TBCD: variants seen among roughly 807,000 people sequenced by gnomAD.
The protein encoded by TBCD is tubulin folding cofactor D.
Under a neutral mutation model 169.3 loss-of-function variants are expected in TBCD, and 105 were observed. The observed-to-expected ratio is 0.62, with a 90% CI of 0.53 to 0.73. The LOEUF is 0.73. Ranked by LOEUF, TBCD falls within the 30% of genes least tolerant of loss-of-function variation. TBCD has a pLI of 0.00. For synonymous variants in TBCD, 700 were observed against 643.9 expected, an observed-to-expected ratio of 1.09 and a Z score of -1.32; for missense variants, 1,444 against 1,600.1, an observed-to-expected ratio of 0.90 and a Z score of 1.66.
At chr17:82,941,108 C>T (rs2063190337) in intron 37 of TBCD, among the ~76,000 whole-genome samples, 1 of 152,264 alleles carries the variant, frequency 6.6e-6, no homozygotes, top group South Asian at 2.1e-4. Context: ...CCTCCTTGGC[C>T]TCGCTTGGTC....
At chr17:82,781,001 C>T (rs1028277592) in intron 6 of TBCD, among the ~76,000 whole-genome samples, 5 of 151,876 alleles carry the variant, frequency 3.3e-5, no homozygotes, top group Non-Finnish European at 5.9e-5. Context: ...GCGCTGAGGC[C>T]GGGCTGCAAG....
intron 2 of TBCD, among the ~76,000 whole-genome samples, chr17:82,760,093 C>G (rs936683502): frequency 2.0e-5 from 3 of 151,732 alleles, no homozygotes. Flanking sequence ...AGGATAGTCT[C>G]GAACTCCTGA....
In TBCD at chr17:82,920,559, GTGTT is replaced by G; in HGVS notation, c.2044_2047del (p.Val682Ter). 1 of 1,522,430 alleles carries G rather than the reference GTGTT, an allele frequency of 6.6e-7. No homozygotes were observed. The highest frequency in any genetic ancestry group is 8.8e-7 in the Non-Finnish European group (1 of 1,136,518). 94.3% of individuals were successfully genotyped at this position (1,522,430 alleles called of 1,614,324 possible). On this transcript the variant is annotated frameshift_variant, in exon 24 of 39. Coordinates refer to ENST00000355528, the MANE Select transcript of TBCD (RefSeq NM_005993.5). LOFTEE classifies it high-confidence loss of function. This position sits in a 1 kb window ranked among gnomAD's most constrained non-coding sequence, Gnocchi z 4.1. ...TCCTTTTTTTTTTTTTTTCCAGTGT[GTGTT>G]TTAATAGAAAAGTTGTCACTTTCCA... is the stretch of plus-strand genomic sequence containing the variant.
chr17:82,778,268 GCTTGCCGCC>G (rs2048726149), intron 6 of TBCD, among the ~76,000 whole-genome samples: 1 of 152,086 alleles, frequency 6.6e-6, no homozygotes, highest in African/African-American at 2.4e-5. Context: ...CACCTGGGTG[GCTTGCCGCC>G]CACAGTATTC....
intron 20 of TBCD, among the ~76,000 whole-genome samples, chr17:82,906,381 G>C (rs1441554385): frequency 1.3e-5 from 2 of 152,226 alleles, no homozygotes; most frequent in Non-Finnish European, 2.9e-5. Flanking sequence ...GGTCATAACA[G>C]CAAAGGTCCT....
At chr17:82,817,829 G>C (rs963820292) in intron 13 of TBCD, among the ~76,000 whole-genome samples, 5 of 152,166 alleles carry the variant, frequency 3.3e-5, no homozygotes, top group Admixed American at 3.3e-4. Context: ...TGTGTTTCTG[G>C]TGTCATAGCT....
At chr17:82,763,598 A>G (rs1179429944) in intron 2 of TBCD, among the ~76,000 whole-genome samples, 1 of 152,042 alleles carries the variant, frequency 6.6e-6, no homozygotes, top group African/African-American at 2.4e-5. Flanking sequence ...AAAATTAGCC[A>G]GGCGTGGTGA....
At chr17:82,770,304 G>A (rs2048238577) in intron 5 of TBCD, among the ~76,000 whole-genome samples, 1 of 152,160 alleles carries the variant, frequency 6.6e-6, no homozygotes, top group Non-Finnish European at 1.5e-5. Context: ...TACGTTAGAG[G>A]TAGTGTGGTG....
Position 82,939,386 on chromosome 17 carries a change from G to C in TBCD, c.3389G>C (p.Ser1130Thr), listed in dbSNP as rs765341711. The C allele has an allele frequency of 6.2e-7, 1 of 1,612,714 alleles. No homozygotes were observed. Among genetic ancestry groups the C allele is most frequent in the South Asian group, 1.1e-5 (1 of 90,860 alleles). The change falls in exon 37 of 39, where the codon AGC becomes ACC. Residue 1130 changes from serine (S) to threonine (T), a missense_variant. By Grantham distance (58) the Ser-to-Thr change is moderately conservative. Coordinates refer to ENST00000355528, the MANE Select transcript of TBCD (RefSeq NM_005993.5). ...TCCCAGATCCGGAAGACCACGGCCAGCCAGGTGTACGAGACATTGCTCACC... is the reference window on the plus strand; with the variant it reads ...TCCCAGATCCGGAAGACCACGGCCACCCAGGTGTACGAGACATTGCTCACC... ...RFPLIRKTTA[S>T]QVYETLLTYS...
chr17:82,800,354 A>G (rs1598573253), intron 8 of TBCD, among the ~76,000 whole-genome samples: 1 of 151,974 alleles, frequency 6.6e-6, no homozygotes, highest in Non-Finnish European at 1.5e-5. Context: ...TGCTATTGTC[A>G]TCACTGCATG....
intron 13 of TBCD, among the ~76,000 whole-genome samples, chr17:82,857,920 GT>G (rs35517512): frequency 0.36 from 54,448 of 149,654 alleles, 10,075 homozygotes; most frequent in South Asian, 0.51. Flanking sequence ...ATTTGTTTTA[GT>G]TTTTTTTTTG....
At chr17:82,918,226 A>T (rs903501963) in intron 23 of TBCD, 2 of 152,164 alleles carry the variant, frequency 1.3e-5, no homozygotes, top group African/African-American at 4.8e-5. Context: ...TGGAGTGGCC[A>T]TGTGTGTCTA....
At position 82,911,839 on chromosome 17, in the gene TBCD, C is replaced by T. The variant is rs371201144; in HGVS notation, c.2038+50C>T. 94 of 1,605,696 alleles carry T rather than the reference C, an allele frequency of 5.9e-5. 2 individuals carry two copies. The highest frequency in any genetic ancestry group is 3.3e-4 in the African/African-American group (25 of 74,916). On this transcript the variant is annotated intron_variant, in intron 23 of 38. Coordinates refer to ENST00000355528, the MANE Select transcript of TBCD (RefSeq NM_005993.5). ...CTCTGCAGCCCTTTGCCGCAGCCATCGTTGAGGGAGGTGTGCTCGTGGCGT... is the reference window on the plus strand; with the variant it reads ...CTCTGCAGCCCTTTGCCGCAGCCATTGTTGAGGGAGGTGTGCTCGTGGCGT...
Position 82,920,915 on chromosome 17 carries a change from C to T in TBCD, c.2101+297C>T, listed in dbSNP as rs1270980864. The T allele has an allele frequency of 1.5e-5, 6 of 403,980 alleles. No individual in the cohort carries two copies. Among genetic ancestry groups the T allele is most frequent in the East Asian group, 5.3e-5 (1 of 18,692 alleles). The allele number at this position is 403,980 out of a possible 1,614,324, so 25.0% of individuals were successfully genotyped here. ...TCAGTTCTTCTCCCAGGCAGACAGT[C>T]GGGAGCTGCAGCCACCCAGGCCCTC... On this transcript the variant is annotated intron_variant, in intron 24 of 38. Transcript: ENST00000355528. The surrounding 1 kb of genome is among the most constrained non-coding windows in gnomAD (Gnocchi z 4.1).
chr17:82,915,531 A>G lies in TBCD; in HGVS notation c.2038+3742A>G, dbSNP rs1291541834. Reference sequence around the variant, plus strand: ...CTCTTGCATTTCATGCTTTAGAATCAAAGGAAAGAAACAGGAACTCTGTTT... The same window carrying G: ...CTCTTGCATTTCATGCTTTAGAATCGAAGGAAAGAAACAGGAACTCTGTTT... On this transcript the variant is annotated intron_variant, in intron 23 of 38. Transcript: ENST00000355528. The surrounding 1 kb of genome is among the most constrained non-coding windows in gnomAD (Gnocchi z 4.3). 1.3e-5 allele frequency among the ~76,000 whole-genome samples: 2 copies of G among 152,154 alleles called. No individual in the cohort carries two copies. Among genetic ancestry groups the G allele is most frequent in the Admixed American group, 1.3e-4 (2 of 15,276 alleles).
chr17:82,762,575 C>T (rs893298212), intron 2 of TBCD, among the ~76,000 whole-genome samples: 4 of 151,926 alleles, frequency 2.6e-5, no homozygotes, highest in Non-Finnish European at 4.4e-5. Flanking sequence ...ATGGTAAAAC[C>T]CCATCTCTAC....
chr17:82,923,822 G>A lies in TBCD; in HGVS notation c.2260+89G>A, dbSNP rs1435805581. The A allele has an allele frequency of 6.5e-6, 7 of 1,078,358 alleles. No homozygotes were observed. Among genetic ancestry groups the A allele is most frequent in the East Asian group, 2.6e-5 (1 of 38,234 alleles). The allele number at this position is 1,078,358 out of a possible 1,614,324, so 66.8% of individuals were successfully genotyped here. On this transcript the variant is annotated intron_variant, in intron 26 of 38. Transcript: ENST00000355528. The surrounding 1 kb of genome is among the most constrained non-coding windows in gnomAD (Gnocchi z 4.6). Reference sequence around the variant, plus strand: ...TCTGGGCACGGAGGAGGCCTCGGTTGTGCAGTGGAGCAGAGCCACCACGAT... The same window carrying A: ...TCTGGGCACGGAGGAGGCCTCGGTTATGCAGTGGAGCAGAGCCACCACGAT...
intron 13 of TBCD, among the ~76,000 whole-genome samples, chr17:82,858,956 G>A (rs1013452011): frequency 6.6e-5 from 10 of 152,254 alleles, no homozygotes; most frequent in African/African-American, 2.2e-4. Flanking sequence ...GTGGGGCTGG[G>A]GGTCTTGGGC....
intron 12 of TBCD, among the ~76,000 whole-genome samples, chr17:82,811,011 G>T (rs2051397427): frequency 6.6e-6 from 1 of 152,238 alleles, no homozygotes; most frequent in Admixed American, 6.5e-5. Context: ...TATTCTTCCA[G>T]TGGAAACATT....
Sources: gnomAD v4.1 joint callset for allele counts (sites outside exome capture counted in the v4.1 genomes callset) on GRCh38, gnomAD v4.1.1 for gene constraint, Gnocchi (gnomAD v3.1) non-coding constraint, MANE v1.5 for transcripts, NCBI Gene and HGNC (gene_info 2026-07-23, HGNC 2026-07-21) for gene names.